KCNK13: variants seen among roughly 807,000 people sequenced by gnomAD.
The protein encoded by KCNK13 is potassium two pore domain channel subfamily K member 13.
A neutral mutation model predicts 23.4 loss-of-function variants in KCNK13; 12 were observed. The observed-to-expected ratio is 0.51, with a 90% CI of 0.33 to 0.83. KCNK13 has a LOEUF of 0.83. Ranked by LOEUF, KCNK13 falls within the 40% of genes least tolerant of loss-of-function variation. KCNK13 has a pLI of 0.02. For missense variants in KCNK13, 463 were observed against 556.3 expected (o/e 0.83, Z 1.69); for synonymous variants, 231 against 229.5 (o/e 1.01, Z -0.06).
Position 90,172,316 on chromosome 14 carries a change from C to CAAA in KCNK13, c.335-11781_335-11779dup, listed in dbSNP as rs5810487. Among the ~76,000 whole-genome samples, 50 of 138,926 alleles carry CAAA rather than the reference C, an allele frequency of 3.6e-4. 1 individual carries two copies. Among genetic ancestry groups the CAAA allele is most frequent in the East Asian group, 2.5e-3 (12 of 4,778 alleles). 91.1% of individuals were successfully genotyped at this position (138,926 alleles called of 152,430 possible). A position where few individuals can be genotyped will look rare whatever the true frequency, so the allele number is the denominator to read the frequency against. ...CGGGTGATGGAGCCAGAGTCTATAT[C>CAAA]AAAAAAAAAAAAAAAAGTGATAGAA... On this transcript the variant is annotated intron_variant, in intron 1 of 1. Transcript: ENST00000282146.
intron 1 of KCNK13, among the ~76,000 whole-genome samples, chr14:90,113,493 T>C (rs1393221114): frequency 6.6e-6 from 1 of 152,152 alleles, no homozygotes; most frequent in South Asian, 2.1e-4. Flanking sequence ...CCATCTTCAA[T>C]TGGATCCTGG....
intron 1 of KCNK13, among the ~76,000 whole-genome samples, chr14:90,099,301 G>T (rs144004919): frequency 6.6e-6 from 1 of 152,254 alleles, no homozygotes; most frequent in East Asian, 1.9e-4. Flanking sequence ...CTCTGACATT[G>T]TTAGGAGTAA....
chr14:90,115,597 G>A (rs1031617128), intron 1 of KCNK13, among the ~76,000 whole-genome samples: 1 of 152,208 alleles, frequency 6.6e-6, no homozygotes, highest in African/African-American at 2.4e-5. Flanking sequence ...CGACTATATG[G>A]TCTCTGTTGC....
In KCNK13 at chr14:90,184,734, C is replaced by T. The variant is rs751869118; in HGVS notation, c.958C>T (p.Arg320Trp). Residue 320 changes from arginine (R) to tryptophan (W), a missense_variant, in exon 2 of 2, where the codon CGG becomes TGG. Around this residue, in one of 3 missense-constraint regions of KCNK13, gnomAD observed 166 missense variants for 178.8 expected, o/e 0.93. Coordinates refer to ENST00000282146, the MANE Select transcript of KCNK13 (RefSeq NM_022054.4). This position sits in a 1 kb window ranked among gnomAD's most constrained non-coding sequence, Gnocchi z 5.6. ...RRNVVMPGSV[R>W]NRCNISIETD... Reference sequence around the variant, plus strand: ...GAACGTGGTGATGCCAGGCAGCGTCCGGAACCGCTGCAACATCTCCATAGA... The same window carrying T: ...GAACGTGGTGATGCCAGGCAGCGTCTGGAACCGCTGCAACATCTCCATAGA... 79 of 1,614,014 alleles carry T rather than the reference C, an allele frequency of 4.9e-5. 1 individual carries two copies. The South Asian group carries it at 7.2e-4, about 15-fold the overall frequency.
At chr14:90,162,312 G>A (rs1364186851) in intron 1 of KCNK13, among the ~76,000 whole-genome samples, 3 of 152,238 alleles carry the variant, frequency 2.0e-5, no homozygotes, top group South Asian at 2.1e-4. Context: ...TCTCTGATAA[G>A]TGACATTTCG....
At chr14:90,091,806 A>G (rs1343062092) in intron 1 of KCNK13, among the ~76,000 whole-genome samples, 2 of 152,034 alleles carry the variant, frequency 1.3e-5, no homozygotes, top group African/African-American at 2.4e-5. Flanking sequence ...GGAGAAGGAG[A>G]AGACCATCAG....
chr14:90,076,029 A>G (rs116391445), intron 1 of KCNK13, among the ~76,000 whole-genome samples: 2,086 of 152,248 alleles, frequency 0.014, 44 homozygotes, highest in African/African-American at 0.048. Context: ...ATAACACCAC[A>G]TTTGTTACCT....
intron 1 of KCNK13, among the ~76,000 whole-genome samples, chr14:90,095,089 A>T (rs1488819179): frequency 6.6e-6 from 1 of 152,230 alleles, no homozygotes; most frequent in African/African-American, 2.4e-5. Context: ...TGTGTGCCAA[A>T]TATAATTTAA....
intron 1 of KCNK13, among the ~76,000 whole-genome samples, chr14:90,135,671 G>A (rs1215933963): frequency 6.6e-6 from 1 of 152,194 alleles, no homozygotes; most frequent in Non-Finnish European, 1.5e-5. Context: ...GGCCTTGTTG[G>A]AGAGAGGTTG....
At chr14:90,143,521 T>A (rs575836795) in intron 1 of KCNK13, among the ~76,000 whole-genome samples, 19 of 152,356 alleles carry the variant, frequency 1.2e-4, no homozygotes, top group African/African-American at 4.1e-4. Context: ...GTTCCACTGA[T>A]GTACATGTCT....
intron 1 of KCNK13, among the ~76,000 whole-genome samples, chr14:90,082,228 AT>A (rs200927063): frequency 0.011 from 1,547 of 142,460 alleles, 7 homozygotes; most frequent in Non-Finnish European, 0.014. Context: ...CACCCAGCTA[AT>A]TTTTTTTTTT....
chr14:90,065,035 A>C (rs774813015), intron 1 of KCNK13, among the ~76,000 whole-genome samples: 7 of 152,248 alleles, frequency 4.6e-5, no homozygotes, highest in Non-Finnish European at 1.0e-4. Flanking sequence ...AGAAGAAAAA[A>C]ATCAAGTTAT....
Position 90,101,806 on chromosome 14 carries a change from A to AAAAAAAAAAAAAAAAC in KCNK13, c.334+39273_334+39274insAAAAAAAAACAAAAAA, listed in dbSNP as rs1566951708. 4.8e-5 allele frequency among the ~76,000 whole-genome samples: 7 copies of AAAAAAAAAAAAAAAAC among 144,492 alleles called. 1 individual carries two copies. Among genetic ancestry groups the AAAAAAAAAAAAAAAAC allele is most frequent in the African/African-American group, 1.8e-4 (7 of 39,080 alleles). The allele number at this position is 144,492 out of a possible 152,430, so 94.8% of individuals were successfully genotyped here. A position where few individuals can be genotyped will look rare whatever the true frequency, so the allele number is the denominator to read the frequency against. On this transcript the variant is annotated intron_variant, in intron 1 of 1. Coordinates refer to ENST00000282146, the MANE Select transcript of KCNK13 (RefSeq NM_022054.4). Reference sequence around the variant, plus strand: ...CTCCGTCTCCAAAAAAAAAAAAAAAAAAAAAACCTCACAAGTCACCGCTAA... The same window carrying AAAAAAAAAAAAAAAAC: ...CTCCGTCTCCAAAAAAAAAAAAAAAAAAAAAAAAAAAAAAACAAAAAACCTCACAAGTCACCGCTAA...
At chr14:90,169,595 T>G (rs1398999191) in intron 1 of KCNK13, among the ~76,000 whole-genome samples, 1 of 152,196 alleles carries the variant, frequency 6.6e-6, no homozygotes, top group Non-Finnish European at 1.5e-5. Flanking sequence ...TAAACGTTTA[T>G]CTCTAAGCAT....
chr14:90,160,235 G>A (rs1157191584), intron 1 of KCNK13, among the ~76,000 whole-genome samples: 1 of 152,130 alleles, frequency 6.6e-6, no homozygotes, highest in South Asian at 2.1e-4. Flanking sequence ...TGCTTTCGTT[G>A]CCTCAAAACC....
intron 1 of KCNK13, among the ~76,000 whole-genome samples, chr14:90,127,344 A>G (rs1419430278): frequency 6.6e-6 from 1 of 152,100 alleles, no homozygotes; most frequent in Non-Finnish European, 1.5e-5. Context: ...TATTTTCTGC[A>G]GGGAATGAAA....
At chr14:90,098,578 G>A (rs1002426703) in intron 1 of KCNK13, among the ~76,000 whole-genome samples, 3 of 151,584 alleles carry the variant, frequency 2.0e-5, no homozygotes, top group East Asian at 2.0e-4. Flanking sequence ...GTTATAACCC[G>A]GGAGGTGGAG....
intron 1 of KCNK13, among the ~76,000 whole-genome samples, chr14:90,072,320 A>G (rs868691793): frequency 6.6e-6 from 1 of 152,194 alleles, no homozygotes; most frequent in African/African-American, 2.4e-5. Flanking sequence ...ACTGTAATCC[A>G]TGAACTCAGG....
At chr14:90,102,838 A>G (rs1756771485) in intron 1 of KCNK13, among the ~76,000 whole-genome samples, 1 of 152,126 alleles carries the variant, frequency 6.6e-6, no homozygotes, top group Admixed American at 6.6e-5. Flanking sequence ...TATTTTAGAT[A>G]CAGGAGGTAC....
Sources: gnomAD v4.1 joint callset for allele counts (sites outside exome capture counted in the v4.1 genomes callset) on GRCh38, gnomAD v4.1.1 for gene constraint, gnomAD v4.1.1 regional missense constraint, Gnocchi (gnomAD v3.1) non-coding constraint, MANE v1.5 for transcripts, NCBI Gene and HGNC (gene_info 2026-07-23, HGNC 2026-07-21) for gene names.